The following TAOK3 variants were observed in gnomAD, a reference collection of about 807,000 sequenced individuals.
The protein encoded by TAOK3 is serine/threonine-protein kinase TAO3.
Under a neutral mutation model 120.4 loss-of-function variants are expected in TAOK3, and 40 were observed. That is an observed-to-expected ratio of 0.33 (90% CI 0.26 to 0.43). TAOK3 has a LOEUF of 0.43. TAOK3 is among the 20% of genes least tolerant of loss of function. TAOK3 has a pLI of 1.00. For synonymous variants in TAOK3, 355 were observed against 387.5 expected, an observed-to-expected ratio of 0.92 and a Z score of 0.99; for missense variants, 821 against 1,112.1, an observed-to-expected ratio of 0.74 and a Z score of 3.72.
At chr12:118,243,050 A>G (rs1019049682) in intron 5 of TAOK3, among the ~76,000 whole-genome samples, 2 of 152,026 alleles carry the variant, frequency 1.3e-5, no homozygotes, top group African/African-American at 2.4e-5. Flanking sequence ...AACATCAAGA[A>G]CAATTCCAAA....
chr12:118,207,522 T>C (rs1026978620), intron 11 of TAOK3, among the ~76,000 whole-genome samples: 10 of 152,038 alleles, frequency 6.6e-5, no homozygotes, highest in African/African-American at 2.4e-4. Flanking sequence ...TTAATTAAGG[T>C]ATATTTGAAT....
rs375879690 is a variant in TAOK3, at chr12:118,161,850, G to T, written c.2077C>A (p.Arg693=). ...LENQLEYNKR[R]ERELHRKHVM... The stretch of plus-strand genomic sequence containing the variant: ...TGCTTTCTGTGCAGTTCTCTTTCTC[G>T]CCTCTTATTGTACTCCAGCTGGTTT... The change falls in exon 18 of 21, where the codon CGA becomes AGA. Residue 693 remains arginine, a synonymous_variant. Transcript: ENST00000392533. The surrounding 1 kb of genome is among the most constrained non-coding windows in gnomAD (Gnocchi z 4.5). The T allele has an allele frequency of 1.2e-6, 2 of 1,613,888 alleles. No homozygotes were observed. The highest frequency in any genetic ancestry group is 1.7e-6 in the Non-Finnish European group (2 of 1,180,036).
intron 1 of TAOK3, among the ~76,000 whole-genome samples, chr12:118,291,483 A>T (rs1566072590): frequency 6.6e-6 from 1 of 152,068 alleles, no homozygotes; most frequent in Non-Finnish European, 1.5e-5. Flanking sequence ...TTTAAAAGGA[A>T]TTATAGTAAA....
intron 19 of TAOK3, among the ~76,000 whole-genome samples, chr12:118,158,034 G>T (rs560661149): frequency 2.0e-5 from 3 of 152,108 alleles, no homozygotes; most frequent in African/African-American, 7.2e-5. Context: ...CTGATTGTCC[G>T]AGACAAGCAA....
chr12:118,339,969 T>C (rs909499511), intron 1 of TAOK3, among the ~76,000 whole-genome samples: 6 of 152,356 alleles, frequency 3.9e-5, no homozygotes, highest in Middle Eastern at 3.4e-3. Flanking sequence ...TGTCAAATTA[T>C]TAATATCTTA....
At position 118,216,265 on chromosome 12, in the gene TAOK3, G is replaced by A. The variant is rs557142546; in HGVS notation, c.644-2155C>T. Among the ~76,000 whole-genome samples, 21 of 152,230 alleles carry A rather than the reference G, an allele frequency of 1.4e-4. No individual in the cohort carries two copies. In the South Asian group the frequency reaches 4.1e-3, roughly 30 times the overall value. On this transcript the variant is annotated intron_variant, in intron 9 of 20. Transcript: ENST00000392533. ...GCCTCAGCCTCCCAAAGTGCTGGGA[G>A]TATAGGCATGATGCACTGTATCTGG...
rs111739323 is a variant in TAOK3 at position 118,177,589 on chromosome 12, C to T, written c.1567-260G>A. ...CTGTAATCCCAGCACTTTGGGAGTT[C>T]GAGGCAGGCAGATCACCTGAGGTCG... On this transcript the variant is annotated intron_variant, in intron 15 of 20. Transcript: ENST00000392533. Among the ~76,000 whole-genome samples, 964 of 151,510 alleles carry T rather than the reference C, an allele frequency of 6.4e-3. 5 individuals are homozygous for T. The highest frequency in any genetic ancestry group is 0.022 in the African/African-American group (892 of 41,308).
intron 2 of TAOK3, among the ~76,000 whole-genome samples, chr12:118,266,262 G>C (rs878957314): frequency 6.6e-6 from 1 of 152,010 alleles, no homozygotes; most frequent in African/African-American, 2.4e-5. Flanking sequence ...GCACGATCTC[G>C]GCTCACCGCA....
intron 2 of TAOK3, among the ~76,000 whole-genome samples, chr12:118,259,202 A>G (rs1363022076): frequency 6.6e-6 from 1 of 152,216 alleles, no homozygotes; most frequent in East Asian, 1.9e-4. Context: ...CTTCTAGCCA[A>G]GATGGAGTAA....
chr12:118,213,967 A>T, intron 10 of TAOK3, 50 bp downstream of exon 10: 1 of 1,469,634 alleles, frequency 6.8e-7, no homozygotes, highest in Non-Finnish European at 9.5e-7. Flanking sequence ...AAAAATGTCA[A>T]ATACATACGG....
intron 1 of TAOK3, among the ~76,000 whole-genome samples, chr12:118,278,798 A>T (rs1238527758): frequency 6.6e-6 from 1 of 152,032 alleles, no homozygotes; most frequent in Non-Finnish European, 1.5e-5. Context: ...CCTTGACAGC[A>T]TCTGTTATTT....
chr12:118,206,875 G>A (rs795190), intron 11 of TAOK3, among the ~76,000 whole-genome samples: 34 of 152,104 alleles, frequency 2.2e-4, no homozygotes, highest in Non-Finnish European at 3.5e-4. Context: ...GATTACAGGC[G>A]TGAGCCACTG....
At chr12:118,335,387 C>T (rs1048338365) in intron 1 of TAOK3, among the ~76,000 whole-genome samples, 8 of 152,076 alleles carry the variant, frequency 5.3e-5, no homozygotes, top group African/African-American at 1.9e-4. Flanking sequence ...AAGAAATTGA[C>T]CGATTTCTCA....
At chr12:118,368,622 G>C (rs910160524) in intron 1 of TAOK3, among the ~76,000 whole-genome samples, 1 of 150,108 alleles carries the variant, frequency 6.7e-6, no homozygotes, top group African/African-American at 2.4e-5. Context: ...CCTGGCCACC[G>C]TGGTGAAAAA....
chr12:118,180,303 C>G (rs973952833), intron 15 of TAOK3, among the ~76,000 whole-genome samples: 4 of 151,210 alleles, frequency 2.6e-5, no homozygotes. Context: ...TGCAGTGACA[C>G]AATCTCGGCT....
chr12:118,171,119 AAC>A (rs990240607), intron 17 of TAOK3, among the ~76,000 whole-genome samples: 1 of 152,192 alleles, frequency 6.6e-6, no homozygotes, highest in Non-Finnish European at 1.5e-5. Context: ...ATATCCATCC[AAC>A]CTCCCAAATT....
intron 1 of TAOK3, among the ~76,000 whole-genome samples, chr12:118,315,243 TA>T (rs1282407075): frequency 6.8e-6 from 1 of 147,538 alleles, no homozygotes; most frequent in Non-Finnish European, 1.5e-5. Context: ...TTCATAATGG[TA>T]AAAAATGAGT....
intron 2 of TAOK3, among the ~76,000 whole-genome samples, chr12:118,264,602 A>G (rs562996871): frequency 6.6e-6 from 1 of 152,274 alleles, no homozygotes; most frequent in East Asian, 1.9e-4. Flanking sequence ...GGGGCTAAAA[A>G]GGGGCCTGAT....
intron 9 of TAOK3, among the ~76,000 whole-genome samples, chr12:118,228,856 G>T (rs1232243221): frequency 6.6e-6 from 1 of 152,102 alleles, no homozygotes; most frequent in Non-Finnish European, 1.5e-5. Context: ...TACTAATGAG[G>T]CTTAGTGTCT....
Sources: allele counts gnomAD v4.1 joint callset (sites outside exome capture counted in the v4.1 genomes callset), GRCh38; gene constraint gnomAD v4.1.1; non-coding constraint Gnocchi (gnomAD v3.1); transcripts MANE v1.5; gene names NCBI Gene and HGNC (gene_info 2026-07-23, HGNC 2026-07-21).